The following SMURF1 variants were observed in gnomAD, a reference collection of about 807,000 sequenced individuals.
SMURF1 encodes the protein E3 ubiquitin-protein ligase SMURF1.
A neutral mutation model predicts 98.0 loss-of-function variants in SMURF1; 44 were observed. The observed-to-expected ratio is 0.45, with a 90% confidence interval of 0.35 to 0.58. SMURF1 has a LOEUF of 0.58. Among genes scored for constraint, SMURF1 ranks in the 20% least tolerant of loss-of-function variants. The pLI is 0.00. For missense variants in SMURF1, 687 were observed against 938.4 expected (o/e 0.73, Z 3.50); for synonymous variants, 396 against 374.9 (o/e 1.06, Z -0.65).
At chr7:99,080,600 A>C (rs1348259746) in intron 1 of SMURF1, among the ~76,000 whole-genome samples, 1 of 152,138 alleles carries the variant, frequency 6.6e-6, no homozygotes, top group East Asian at 1.9e-4. Context: ...CGCCCGGCTA[A>C]ACCTACCTAG....
At chr7:99,125,928 C>T (rs1021165383) in intron 1 of SMURF1, among the ~76,000 whole-genome samples, 1 of 152,210 alleles carries the variant, frequency 6.6e-6, no homozygotes, top group African/African-American at 2.4e-5. Flanking sequence ...CTCTTCTGTC[C>T]GTCTGACCTG....
At chr7:99,034,380 T>G (rs1382001039) in intron 16 of SMURF1, among the ~76,000 whole-genome samples, 2 of 152,282 alleles carry the variant, frequency 1.3e-5, no homozygotes, top group African/African-American at 4.8e-5. Context: ...ACAGGGACTA[T>G]CTCTAAGCAG....
chr7:99,051,495 T>C, intron 7 of SMURF1, 54 bp from the exon 8 acceptor site: 1 of 1,406,590 alleles, frequency 7.1e-7, no homozygotes, highest in Non-Finnish European at 1.0e-6. Flanking sequence ...AGGGAGAGTT[T>C]GTAACCAACC....
chr7:99,136,762 C>A (rs763346269), intron 1 of SMURF1, among the ~76,000 whole-genome samples: 1 of 152,090 alleles, frequency 6.6e-6, no homozygotes, highest in Non-Finnish European at 1.5e-5. Context: ...ACCAGCCGGG[C>A]AACAGGGCGA....
chr7:99,067,703 G>A (rs539248788), intron 1 of SMURF1, among the ~76,000 whole-genome samples: 1 of 152,296 alleles, frequency 6.6e-6, no homozygotes, highest in Admixed American at 6.5e-5. Context: ...TGTAATCCCA[G>A]CACTTTGGGA....
rs371764662 is a variant in SMURF1 at position 99,045,664 on chromosome 7, C to T, written c.1256+34G>A. 9.7e-6 allele frequency: 15 copies of T among 1,544,842 alleles called. No homozygotes were observed. The African/African-American group carries it at 1.9e-4, about 20-fold the overall frequency. ...CTTCTCTTGAAAAGACTGAGATCCACACAGCAGAGAAGGTGAATGAACAAG... is the reference window on the plus strand; with the variant it reads ...CTTCTCTTGAAAAGACTGAGATCCATACAGCAGAGAAGGTGAATGAACAAG... On this transcript the variant is annotated intron_variant, in intron 11 of 17. Coordinates refer to ENST00000361368, the MANE Select transcript of SMURF1 (RefSeq NM_181349.3).
Position 99,047,701 on chromosome 7 carries a change from T to G in SMURF1, c.1135A>C (p.Arg379=). ...QAGHCRIEVS[R]EEIFEESYRQ... ...CTCTCTACCTCAAAGATTTCTTCTCTGGACACTTCGATGCGGCAATGACCA... is the reference window on the plus strand; with the variant it reads ...CTCTCTACCTCAAAGATTTCTTCTCGGGACACTTCGATGCGGCAATGACCA... The change falls in exon 10 of 18, where the codon AGA becomes CGA. Residue 379 remains arginine, a synonymous_variant. Coordinates refer to ENST00000361368, the MANE Select transcript of SMURF1 (RefSeq NM_181349.3). 1 of 1,614,240 alleles carries G rather than the reference T, an allele frequency of 6.2e-7. No homozygotes were observed.
chr7:99,112,382 A>G (rs2150605878), intron 1 of SMURF1, among the ~76,000 whole-genome samples: 1 of 152,286 alleles, frequency 6.6e-6, no homozygotes, highest in South Asian at 2.1e-4. Flanking sequence ...CTAGTGATTC[A>G]TCAGCTGACC....
intron 1 of SMURF1, among the ~76,000 whole-genome samples, chr7:99,102,426 A>C (rs1797103238): frequency 6.6e-6 from 1 of 152,214 alleles, no homozygotes; most frequent in African/African-American, 2.4e-5. Flanking sequence ...TACACTTTAA[A>C]GGGGCAAATT....
intron 7 of SMURF1, 39 bp from the exon 8 acceptor site, chr7:99,051,480 A>G (rs776212214): frequency 8.5e-6 from 13 of 1,535,084 alleles, no homozygotes; most frequent in African/African-American, 6.8e-5. Context: ...GACAAGTTCA[A>G]TTCCAGGGAG....
chr7:99,139,072 T>C (rs1798056543), intron 1 of SMURF1, among the ~76,000 whole-genome samples: 1 of 152,204 alleles, frequency 6.6e-6, no homozygotes, highest in Admixed American at 6.5e-5. Flanking sequence ...ATAAGTGAGG[T>C]TCTTAGCTGG....
intron 10 of SMURF1, among the ~76,000 whole-genome samples, chr7:99,046,267 TTAAG>T (rs1795570129): frequency 6.6e-6 from 1 of 152,144 alleles, no homozygotes; most frequent in Admixed American, 6.5e-5. Context: ...CAAAAAGATT[TTAAG>T]TAAGACATAA....
chr7:99,053,823 G>A (rs1288579027), intron 6 of SMURF1, among the ~76,000 whole-genome samples: 5 of 152,252 alleles, frequency 3.3e-5, no homozygotes, highest in South Asian at 2.1e-4. Context: ...GACCAATGAC[G>A]GTTCGGCAGT....
chr7:99,133,366 T>C (rs1182761398), intron 1 of SMURF1, among the ~76,000 whole-genome samples: 1 of 151,528 alleles, frequency 6.6e-6, no homozygotes, highest in African/African-American at 2.4e-5. Context: ...CTCCTGTGAA[T>C]CTATCATTAC....
intron 9 of SMURF1, chr7:99,048,303 C>A: frequency 5.7e-6 from 1 of 174,250 alleles, no homozygotes; most frequent in Non-Finnish European, 1.2e-5. Flanking sequence ...ACAGGGAAAT[C>A]GCTTGAACCC....
In SMURF1 at chr7:99,060,809, A is replaced by G. The variant is rs145006751; in HGVS notation, c.95-102T>C. Reference sequence around the variant, plus strand: ...CTCTAATTTCAGGATAATTTCAATCAGCAAAATAAGTTATGTCTATTGAGC... The same window carrying G: ...CTCTAATTTCAGGATAATTTCAATCGGCAAAATAAGTTATGTCTATTGAGC... On this transcript the variant is annotated intron_variant, in intron 2 of 17. Transcript: ENST00000361368. 1.1e-4 allele frequency: 77 copies of G among 728,816 alleles called. 1 individual carries two copies. In the African/African-American group the frequency reaches 1.2e-3, roughly 11 times the overall value. The allele number at this position is 728,816 out of a possible 1,614,324, so 45.1% of individuals were successfully genotyped here. A position where few individuals can be genotyped will look rare whatever the true frequency, so the allele number is the denominator to read the frequency against.
intron 1 of SMURF1, among the ~76,000 whole-genome samples, chr7:99,092,420 T>C (rs2150579724): frequency 6.6e-6 from 1 of 152,322 alleles, no homozygotes; most frequent in South Asian, 2.1e-4. Flanking sequence ...AAATCAATAC[T>C]CGTGGCACCT....
intron 7 of SMURF1, among the ~76,000 whole-genome samples, chr7:99,051,748 A>G (rs573956655): frequency 2.0e-5 from 3 of 152,322 alleles, no homozygotes; most frequent in Non-Finnish European, 4.4e-5. Flanking sequence ...CTGAAAATTC[A>G]TGATTAGCTA....
chr7:99,053,593 A>C (rs1795811999), intron 6 of SMURF1, among the ~76,000 whole-genome samples: 2 of 152,136 alleles, frequency 1.3e-5, no homozygotes, highest in Admixed American at 6.6e-5. Context: ...CTTTTCTTGC[A>C]GTCTATTTGT....
Sources: allele counts gnomAD v4.1 joint callset (sites outside exome capture counted in the v4.1 genomes callset), GRCh38; gene constraint gnomAD v4.1.1; transcripts MANE v1.5; gene names NCBI Gene and HGNC (gene_info 2026-07-23, HGNC 2026-07-21).